The following SMARCB1 variants were observed in gnomAD, a reference collection of about 807,000 sequenced individuals.
SMARCB1 encodes SWI/SNF-related matrix-associated actin-dependent regulator of chromatin subfamily B member 1.
In SMARCB1, 5 loss-of-function variants were observed where a neutral mutation model predicts 49.0. That is an observed-to-expected ratio of 0.10 (90% CI 0.05 to 0.21). The LOEUF (loss-of-function observed/expected upper bound fraction) is 0.21, where lower values mean the gene tolerates loss of function less well. Ranked by LOEUF, SMARCB1 falls within the 10% of genes least tolerant of loss-of-function variation. SMARCB1 has a pLI of 1.00. For missense variants in SMARCB1, 226 were observed against 509.2 expected, an observed-to-expected ratio of 0.44 and a Z score of 5.35; for synonymous variants, 201 against 200.1, an observed-to-expected ratio of 1.00 and a Z score of -0.04.
intron 3 of SMARCB1, among the ~76,000 whole-genome samples, chr22:23,795,422 G>A (rs1237220851): frequency 6.6e-6 from 1 of 152,096 alleles, no homozygotes; most frequent in Non-Finnish European, 1.5e-5. Flanking sequence ...TTGGGAGGCC[G>A]AGGCGGGCGG....
chr22:23,793,337 C>A (rs2145963068), intron 2 of SMARCB1: 1 of 636,106 alleles, frequency 1.6e-6, no homozygotes, highest in South Asian at 1.7e-5. Flanking sequence ...GCAGATTAGT[C>A]CAAATCAGTC....
intron 7 of SMARCB1, chr22:23,825,664 C>T (rs1334024064): frequency 3.6e-6 from 2 of 552,254 alleles, no homozygotes; most frequent in Non-Finnish European, 6.5e-6. Context: ...CAGGGTGAAC[C>T]TCAAGTCCTT....
At chr22:23,807,591 A>T (rs1929573240) in intron 5 of SMARCB1, among the ~76,000 whole-genome samples, 1 of 73,652 alleles carries the variant, frequency 1.4e-5, no homozygotes, top group Non-Finnish European at 4.0e-5. Flanking sequence ...TTTTTTTTTA[A>T]AGTTAAAAAA....
At chr22:23,789,576 G>A (rs926031447) in intron 1 of SMARCB1, among the ~76,000 whole-genome samples, 9 of 152,196 alleles carry the variant, frequency 5.9e-5, no homozygotes. Context: ...TGGTCTCCAA[G>A]ATCTTCCCCA....
chr22:23,822,649 C>T (rs2030155366), intron 6 of SMARCB1, among the ~76,000 whole-genome samples: 1 of 152,130 alleles, frequency 6.6e-6, no homozygotes, highest in Non-Finnish European at 1.5e-5. Flanking sequence ...CCCTCGCCAC[C>T]CTCATCTCCT....
intron 3 of SMARCB1, 57 bp downstream of exon 3, chr22:23,793,745 C>T (rs1349051098): frequency 1.3e-5 from 19 of 1,503,644 alleles, no homozygotes; most frequent in Non-Finnish European, 1.7e-5. Context: ...TTTTCTGAGA[C>T]TCAAGAACTG....
rs776248340 is a variant in SMARCB1 at position 23,803,462 on chromosome 22, C to G, written c.628+40C>G. On this transcript the variant is annotated intron_variant, in intron 5 of 8. Coordinates refer to ENST00000644036, the MANE Select transcript of SMARCB1 (RefSeq NM_003073.5). ...GGCTTGGCTGGGCCTGGCCCCAACC[C>G]CTGTGTGTTACGTGGGAACAGTCCC... 6 of 1,611,888 alleles carry G rather than the reference C, an allele frequency of 3.7e-6. No individual in the cohort carries two copies. The South Asian group carries it at 6.6e-5, about 18-fold the overall frequency.
At chr22:23,813,620 C>T (rs1023844699) in intron 5 of SMARCB1, among the ~76,000 whole-genome samples, 2 of 152,106 alleles carry the variant, frequency 1.3e-5, no homozygotes, top group East Asian at 1.9e-4. Flanking sequence ...AAAACACTGA[C>T]GAAAGTAATG....
intron 5 of SMARCB1, among the ~76,000 whole-genome samples, chr22:23,812,339 C>T (rs954322397): frequency 6.6e-6 from 1 of 151,678 alleles, no homozygotes; most frequent in South Asian, 2.1e-4. Context: ...AAACAATTCT[C>T]CCCCCCAAAA....
rs1304829615 is a variant in SMARCB1 at position 23,817,356 on chromosome 22, G to A, written c.795+420G>A. 1.0e-5 allele frequency: 3 copies of A among 290,242 alleles called. No homozygotes were observed. The Admixed American group carries it at 1.3e-4, about 13-fold the overall frequency. The allele number at this position is 290,242 out of a possible 1,614,324, so 18.0% of individuals were successfully genotyped here. On this transcript the variant is annotated intron_variant, in intron 6 of 8. Transcript: ENST00000644036. ...TGCGGAAGTTGCAAACTGGCCAGTT[G>A]AGAAATGGTGAGGCTGGCGATTGGG...
At position 23,834,873 on chromosome 22, in the gene SMARCB1, C is replaced by A. The variant is rs373086060; in HGVS notation, c.*693C>A. On this transcript the variant is annotated 3_prime_UTR_variant, in exon 9 of 9. Coordinates refer to ENST00000644036, the MANE Select transcript of SMARCB1 (RefSeq NM_003073.5). ...TCCTGCCGTCCCTGGGCCGCCCTGG[C>A]TCTGCTGTGTCCAGATGGTCAGGCT... is the stretch of plus-strand genomic sequence containing the variant. 2 of 1,612,606 alleles carry A rather than the reference C, an allele frequency of 1.2e-6. No homozygotes were observed. The highest frequency in any genetic ancestry group is 1.7e-6 in the Non-Finnish European group (2 of 1,179,796).
chr22:23,804,539 G>T (rs1036988491), intron 5 of SMARCB1, among the ~76,000 whole-genome samples: 1 of 151,724 alleles, frequency 6.6e-6, no homozygotes, highest in Admixed American at 6.6e-5. Flanking sequence ...GTATCTTTCT[G>T]GTTTCTCTTT....
chr22:23,836,133 C>A lies in SMARCB1; in HGVS notation c.*1953C>A, dbSNP rs892240817. ...CGTCCTCAGCTAAAAAGGGCAGGAACAGAACCTTCCAGAAGTCCCTGCCTC... is the reference window on the plus strand; with the variant it reads ...CGTCCTCAGCTAAAAAGGGCAGGAAAAGAACCTTCCAGAAGTCCCTGCCTC... On this transcript the variant is annotated 3_prime_UTR_variant, in exon 9 of 9. Coordinates refer to ENST00000644036, the MANE Select transcript of SMARCB1 (RefSeq NM_003073.5). The A allele has an allele frequency of 1.5e-5, 15 of 985,340 alleles. No homozygotes were observed. The highest frequency in any genetic ancestry group is 1.7e-5 in the Non-Finnish European group (14 of 829,962). 61.0% of individuals were successfully genotyped at this position (985,340 alleles called of 1,614,324 possible).
rs1469950287 is a variant in SMARCB1, at chr22:23,836,585, G to A, written c.*2405G>A. On this transcript the variant is annotated 3_prime_UTR_variant, in exon 9 of 9. Coordinates refer to ENST00000644036, the MANE Select transcript of SMARCB1 (RefSeq NM_003073.5). ...ACCTGTGAGCTCAAAGCTCTGCCAG[G>A]CAACCATGGGCAGTTTCTTTGCCCT... 6 of 1,153,218 alleles carry A rather than the reference G, an allele frequency of 5.2e-6. No homozygotes were observed. The highest frequency in any genetic ancestry group is 6.4e-6 in the Non-Finnish European group (6 of 939,330). 71.4% of individuals were successfully genotyped at this position (1,153,218 alleles called of 1,614,324 possible).
rs1928837073 is a variant in SMARCB1, at chr22:23,797,428, C to A, written c.363-3516C>A. Among the ~76,000 whole-genome samples the A allele has an allele frequency of 4.0e-5, 6 of 151,662 alleles. No individual in the cohort carries two copies. In the South Asian group the frequency reaches 1.3e-3, roughly 32 times the overall value. On this transcript the variant is annotated intron_variant, in intron 3 of 8. Transcript: ENST00000644036. The stretch of plus-strand genomic sequence containing the variant: ...GGTTCACACCATTCTCCTGCCTCAG[C>A]CTCCCGAGTAGCTGGAACTACAGGT...
chr22:23,817,074 G>A (rs1466129207), intron 6 of SMARCB1, 138 bp downstream of exon 6: 1 of 714,620 alleles, frequency 1.4e-6, no homozygotes, highest in East Asian at 2.7e-5. Context: ...ATAACACCTG[G>A]CTTTGCTCCC....
Position 23,825,297 on chromosome 22 carries a change from C to T in SMARCB1, c.868C>T (p.Pro290Ser). The T allele has an allele frequency of 1.2e-6, 2 of 1,614,080 alleles. No individual in the cohort carries two copies. The highest frequency in any genetic ancestry group is 1.7e-6 in the Non-Finnish European group (2 of 1,179,912). The change falls in exon 7 of 9, where the codon CCA becomes TCA. Residue 290 changes from proline to serine, a missense_variant. Around this residue, in one of 6 missense-constraint regions of SMARCB1, gnomAD observed 35 missense variants for 107.2 expected, o/e 0.33. Transcript: ENST00000644036. ...EWDMSEKENS[P>S]EKFALKLCSE... Reference sequence around the variant, plus strand: ...GGACATGTCAGAGAAGGAGAACTCACCAGAGAAGTTTGCCCTGAAGCTGTG... The same window carrying T: ...GGACATGTCAGAGAAGGAGAACTCATCAGAGAAGTTTGCCCTGAAGCTGTG...
chr22:23,808,547 C>G (rs193073169), intron 5 of SMARCB1, among the ~76,000 whole-genome samples: 1 of 151,914 alleles, frequency 6.6e-6, no homozygotes, highest in Non-Finnish European at 1.5e-5. Context: ...TGAGCCACTG[C>G]GCCCGGCCAA....
intron 5 of SMARCB1, among the ~76,000 whole-genome samples, chr22:23,813,367 C>T (rs7354808): frequency 0.13 from 19,058 of 152,216 alleles, 1,280 homozygotes; most frequent in South Asian, 0.27. Flanking sequence ...CATGATTGTC[C>T]GTGTAGAAAA....
Sources: gnomAD v4.1 joint callset for allele counts (sites outside exome capture counted in the v4.1 genomes callset) on GRCh38, gnomAD v4.1.1 for gene constraint, gnomAD v4.1.1 regional missense constraint, MANE v1.5 for transcripts, NCBI Gene and HGNC (gene_info 2026-07-23, HGNC 2026-07-21) for gene names.